PKD1L1: variants seen among roughly 807,000 people sequenced by gnomAD.
The protein encoded by PKD1L1 is polycystin 1 like 1, transient receptor potential channel interacting.
PKD1L1 carries 236 observed loss-of-function variants against 323.4 expected under a neutral mutation model. The observed-to-expected ratio is 0.73, with a 90% CI of 0.66 to 0.81. The LOEUF is 0.81. Ranked by LOEUF, PKD1L1 falls within the 40% of genes least tolerant of loss-of-function variation. The pLI is 0.00. For synonymous variants in PKD1L1, 1,344 were observed against 1,335.0 expected (o/e 1.01, Z -0.15); for missense variants, 3,320 against 3,508.0 (o/e 0.95, Z 1.35).
At chr7:47,957,860 A>ATATATATATAT in the PKD1L1 span, among the ~76,000 whole-genome samples, 2,083 of 124,080 alleles carry the variant, frequency 0.017, 85 homozygotes, top group African/African-American at 0.043. Flanking sequence ...CAATTAAAAA[A>ATATATATATAT]AAATATATAT....
At chr7:47,949,027 C>G (rs1788158991), upstream of PKD1L1, among the ~76,000 whole-genome samples, 1 of 152,096 alleles carries the variant, frequency 6.6e-6, no homozygotes, top group Admixed American at 6.5e-5. Flanking sequence ...CAGATCACTA[C>G]TCAAGGGAGA....
At chr7:47,865,896 G>A (rs1159664386) in intron 25 of PKD1L1, among the ~76,000 whole-genome samples, 1 of 147,140 alleles carries the variant, frequency 6.8e-6, no homozygotes. Flanking sequence ...CGCCCAGCCA[G>A]AGCTAAGCAA....
rs1562960605 is a variant in PKD1L1, at chr7:47,855,874, T to TCAAA, written c.4591-613_4591-610dup. Among the ~76,000 whole-genome samples, 31 of 7,610 alleles carry TCAAA rather than the reference T, an allele frequency of 4.1e-3. 2 individuals are homozygous for TCAAA. The highest frequency in any genetic ancestry group is 0.022 in the African/African-American group (29 of 1,302). The allele number at this position is 7,610 out of a possible 152,430, so 5.0% of individuals were successfully genotyped here. On this transcript the variant is annotated intron_variant, in intron 28 of 56. Transcript: ENST00000289672. ...CTGGGCGACAGAGCGAGACTCCGTC[T>TCAAA]CAAAAAAAAAAAAAAAAAAAAAAAA... is the stretch of plus-strand genomic sequence containing the variant.
chr7:47,959,573 A>C, the PKD1L1 span, among the ~76,000 whole-genome samples: 4 of 122,542 alleles, frequency 3.3e-5, no homozygotes, highest in Admixed American at 1.7e-4. Context: ...AAGTGAGGAG[A>C]CCCTCCGCCT....
chr7:47,952,728 A>C (rs1210394242), upstream of PKD1L1, among the ~76,000 whole-genome samples: 3 of 152,334 alleles, frequency 2.0e-5, no homozygotes, highest in African/African-American at 7.2e-5. Flanking sequence ...TTTTGTGAAA[A>C]ATAGCTGAGT....
At chr7:47,868,995 A>G (rs1008751532) in intron 24 of PKD1L1, among the ~76,000 whole-genome samples, 1 of 152,226 alleles carries the variant, frequency 6.6e-6, no homozygotes, top group African/African-American at 2.4e-5. Context: ...GGAAGAGGAA[A>G]TGGATCTATA....
chr7:47,901,159 T>C (rs1787078701), intron 13 of PKD1L1, among the ~76,000 whole-genome samples: 1 of 151,692 alleles, frequency 6.6e-6, no homozygotes, highest in African/African-American at 2.4e-5. Flanking sequence ...GCCTGGCCAA[T>C]ATGGCAAAAC....
At chr7:47,883,345 C>G (rs1334677012) in intron 19 of PKD1L1, among the ~76,000 whole-genome samples, 1 of 152,202 alleles carries the variant, frequency 6.6e-6, no homozygotes, top group Non-Finnish European at 1.5e-5. Flanking sequence ...CCACCCCCAA[C>G]AAATCATCCT....
At chr7:47,901,912 T>G (rs1787097366) in intron 13 of PKD1L1, among the ~76,000 whole-genome samples, 1 of 152,108 alleles carries the variant, frequency 6.6e-6, no homozygotes, top group Non-Finnish European at 1.5e-5. Context: ...TAACCCAGAA[T>G]AGGTGTTCAA....
At chr7:47,893,313 GGT>G (rs1005926429) in intron 15 of PKD1L1, among the ~76,000 whole-genome samples, 3 of 151,990 alleles carry the variant, frequency 2.0e-5, no homozygotes, top group African/African-American at 7.2e-5. Context: ...ACAGAAGGCA[GGT>G]GTGTGGCTGA....
In PKD1L1 at chr7:47,830,125, C is replaced by T. The variant is rs747884073; in HGVS notation, c.6474-1G>A. 2 of 1,613,822 alleles carry T rather than the reference C, an allele frequency of 1.2e-6. No individual in the cohort carries two copies. The highest frequency in any genetic ancestry group is 1.7e-4 in the Middle Eastern group (1 of 5,968). The stretch of plus-strand genomic sequence containing the variant: ...CTGCACACATTGCTCCTGGCCAAAC[C>T]TGCCCCCAGGGAAAGTGCAGTGGTC... On this transcript the variant is annotated splice_acceptor_variant, in intron 42 of 56. Coordinates refer to ENST00000289672, the MANE Select transcript of PKD1L1 (RefSeq NM_138295.5). LOFTEE classifies it high-confidence loss of function.
Position 47,839,759 on chromosome 7 carries a change from C to T in PKD1L1, c.5553-97G>A, listed in dbSNP as rs1785531583. The T allele has an allele frequency of 1.7e-6, 2 of 1,195,626 alleles. No individual in the cohort carries two copies. The highest frequency in any genetic ancestry group is 1.2e-6 in the Non-Finnish European group (1 of 843,490). The allele number at this position is 1,195,626 out of a possible 1,614,324, so 74.1% of individuals were successfully genotyped here. A position where few individuals can be genotyped will look rare whatever the true frequency, so the allele number is the denominator to read the frequency against. On this transcript the variant is annotated intron_variant, in intron 35 of 56. Transcript: ENST00000289672. The surrounding 1 kb of genome is among the most constrained non-coding windows in gnomAD (Gnocchi z 4.3). Reference sequence around the variant, plus strand: ...GCTCACCCTCAAGGCACTGATGGCCCACAGAGGGTGGATGGGACATGTCAA... The same window carrying T: ...GCTCACCCTCAAGGCACTGATGGCCTACAGAGGGTGGATGGGACATGTCAA...
rs754706743 is a variant in PKD1L1 at position 47,898,171 on chromosome 7, C to A, written c.2088G>T (p.Arg696Ser). ...CTGCAGCTTCAAACGTCACTCCCAG[C>A]CTCACAGGCTGAGACCTCCATATCT... is the stretch of plus-strand genomic sequence containing the variant. The part of the protein sequence containing the change: ...KVQIWRSQPV[R>S]LGVTFEAAVF... Residue 696 changes from arginine to serine, a missense_variant, in exon 14 of 57, where the codon AGG becomes AGT. Transcript: ENST00000289672. 1 of 1,614,056 alleles carries A rather than the reference C, an allele frequency of 6.2e-7. No individual in the cohort carries two copies. The highest frequency in any genetic ancestry group is 8.5e-7 in the Non-Finnish European group (1 of 1,179,962).
intron 6 of PKD1L1, among the ~76,000 whole-genome samples, 157 bp from the exon 7 acceptor site, chr7:47,929,683 C>A (rs775894000): frequency 6.6e-6 from 1 of 152,132 alleles, no homozygotes; most frequent in African/African-American, 2.4e-5. Flanking sequence ...AGAGTGGGGT[C>A]CCAGGGCCAG....
intron 36 of PKD1L1, among the ~76,000 whole-genome samples, chr7:47,838,255 T>C (rs534524682): frequency 6.6e-6 from 1 of 152,362 alleles, no homozygotes; most frequent in Non-Finnish European, 1.5e-5. Flanking sequence ...TGCCAAGGCC[T>C]TGAGCCTGGG....
At chr7:47,877,782 A>G in intron 21 of PKD1L1, 151 bp from the exon 22 acceptor site, 1 of 954,982 alleles carries the variant, frequency 1.0e-6, no homozygotes, top group Admixed American at 2.9e-5. Flanking sequence ...TTTGTCAGAA[A>G]TGAAGATTCT....
At chr7:47,787,501 T>C (rs75673750) in intron 56 of PKD1L1, among the ~76,000 whole-genome samples, 126 of 152,302 alleles carry the variant, frequency 8.3e-4, no homozygotes, top group African/African-American at 2.7e-3. Flanking sequence ...GAAATTCTTT[T>C]CTCAGCCATA....
At position 47,776,901 on chromosome 7, in the gene PKD1L1, A is replaced by T. The variant is rs532333090; in HGVS notation, c.8527-1735T>A. Reference sequence around the variant, plus strand: ...CTTTTTTATTTTTATTTATTTATTTATTTTTTTTGAGAAGGAGTCTTGCTC... The same window carrying T: ...CTTTTTTATTTTTATTTATTTATTTTTTTTTTTTGAGAAGGAGTCTTGCTC... On this transcript the variant is annotated intron_variant, in intron 56 of 56. Coordinates refer to ENST00000289672, the MANE Select transcript of PKD1L1 (RefSeq NM_138295.5). Among the ~76,000 whole-genome samples, 969 of 151,696 alleles carry T rather than the reference A, an allele frequency of 6.4e-3. 21 individuals carry two copies. Among genetic ancestry groups the T allele is most frequent in the South Asian group, 0.056 (270 of 4,792 alleles).
intron 34 of PKD1L1, among the ~76,000 whole-genome samples, chr7:47,841,439 G>C (rs887613512): frequency 6.6e-5 from 10 of 152,130 alleles, no homozygotes; most frequent in Non-Finnish European, 1.5e-4. Context: ...TTGAGAGTTG[G>C]CATGACTGGT....
Sources: gnomAD v4.1 joint callset for allele counts (sites outside exome capture counted in the v4.1 genomes callset) on GRCh38, gnomAD v4.1.1 for gene constraint, Gnocchi (gnomAD v3.1) non-coding constraint, MANE v1.5 for transcripts, NCBI Gene and HGNC (gene_info 2026-07-23, HGNC 2026-07-21) for gene names.